The following ORMDL3 variants were observed in gnomAD, a reference collection of about 807,000 sequenced individuals.
ORMDL3 encodes ORM1-like protein 3.
ORMDL3 carries 6 observed loss-of-function variants against 12.6 expected under a neutral mutation model. The observed-to-expected ratio is 0.48, with a 90% confidence interval of 0.26 to 0.94. ORMDL3 has a LOEUF of 0.94. ORMDL3 is among the 40% of genes least tolerant of loss of function. The pLI, the probability that ORMDL3 is intolerant of heterozygous loss-of-function variation, is 0.14. For synonymous variants in ORMDL3, 99 were observed against 87.2 expected (o/e 1.14, Z -0.75); for missense variants, 159 against 205.5 (o/e 0.77, Z 1.38).
chr17:39,922,333 T>C lies in ORMDL3; in HGVS notation c.*217A>G, dbSNP rs1160617985. 9.9e-6 allele frequency: 5 copies of C among 506,984 alleles called. No individual in the cohort carries two copies. 31.4% of individuals were successfully genotyped at this position (506,984 alleles called of 1,614,324 possible). The stretch of plus-strand genomic sequence containing the variant: ...AAAGCAAAAGGAAAAGATCAAAAAA[T>C]TCAGAAAAGGTCAGAGCCCAGGGGG... On this transcript the variant is annotated 3_prime_UTR_variant, in exon 4 of 4. Coordinates refer to ENST00000304046, the MANE Select transcript of ORMDL3 (RefSeq NM_139280.4).
intron 1 of ORMDL3, chr17:39,926,041 A>G (rs1302142972): frequency 6.6e-6 from 1 of 152,170 alleles, no homozygotes; most frequent in South Asian, 2.1e-4. Flanking sequence ...GGAGAGGGAA[A>G]GAGCTTCCCA....
intron 1 of ORMDL3, 62 bp downstream of exon 1, chr17:39,927,421 GC>G (rs1170855011): frequency 2.0e-6 from 2 of 984,632 alleles, no homozygotes; most frequent in East Asian, 1.1e-4. Flanking sequence ...CTCCCCAGCA[GC>G]CCCCACCTTC....
chr17:39,923,226 GGTGTCCCCTTCACC>G lies in ORMDL3; in HGVS notation c.198_211del (p.Val67LeufsTer2), dbSNP rs761869610. 2 of 1,614,030 alleles carry G rather than the reference GGTGTCCCCTTCACC, an allele frequency of 1.2e-6. No individual in the cohort carries two copies. Among genetic ancestry groups the G allele is most frequent in the African/African-American group, 2.7e-5 (2 of 74,936 alleles). On this transcript the variant is annotated frameshift_variant, in exon 3 of 4. Coordinates refer to ENST00000304046, the MANE Select transcript of ORMDL3 (RefSeq NM_139280.4). LOFTEE classifies it high-confidence loss of function. ...CTTGCCCTGGTCCGGGGTCTCAAAGGGTGTCCCCTTCACCGTGTGCAGGAAGATATACATGCCCT... is the reference window on the plus strand; with the variant it reads ...CTTGCCCTGGTCCGGGGTCTCAAAGGGTGTGCAGGAAGATATACATGCCCT...
intron 1 of ORMDL3, 24 bp from the exon 2 acceptor site, chr17:39,924,249 G>T (rs1978323322): frequency 6.4e-7 from 1 of 1,552,484 alleles, no homozygotes; most frequent in Non-Finnish European, 8.7e-7. Flanking sequence ...GCACAGGTCA[G>T]ACAGGTCACA....
In ORMDL3 at chr17:39,922,417, A is replaced by G. The variant is rs1978302422; in HGVS notation, c.*133T>C. 8.7e-7 allele frequency: 1 copy of G among 1,148,466 alleles called. No homozygotes were observed. The highest frequency in any genetic ancestry group is 1.2e-6 in the Non-Finnish European group (1 of 829,464). The allele number at this position is 1,148,466 out of a possible 1,614,324, so 71.1% of individuals were successfully genotyped here. ...TGGCTACTGGGGGAAGCGAGGGGGG[A>G]AATTAGGCCAGAGGCTCAACCCCCA... On this transcript the variant is annotated 3_prime_UTR_variant, in exon 4 of 4. Transcript: ENST00000304046.
intron 2 of ORMDL3, 49 bp downstream of exon 2, chr17:39,923,981 C>A: frequency 1.3e-6 from 2 of 1,521,872 alleles, no homozygotes; most frequent in South Asian, 1.3e-5. Flanking sequence ...CAAAGGGCAG[C>A]CCACAGGGCA....
chr17:39,926,821 T>G, intron 1 of ORMDL3: 1 of 985,954 alleles, frequency 1.0e-6, no homozygotes, highest in Non-Finnish European at 1.2e-6. Flanking sequence ...GCAAACCTCC[T>G]GTCTTCTGGA....
intron 2 of ORMDL3, 145 bp from the exon 3 acceptor site, chr17:39,923,408 G>A: frequency 1.1e-6 from 1 of 871,768 alleles, no homozygotes. Flanking sequence ...AGGTCAGGAT[G>A]GAGCAGCTGG....
intron 1 of ORMDL3, chr17:39,925,731 G>A (rs992568920): frequency 3.3e-5 from 5 of 152,182 alleles, no homozygotes; most frequent in Non-Finnish European, 7.3e-5. Flanking sequence ...GAGAAAATGT[G>A]ACCCACAACA....
In ORMDL3 at chr17:39,922,658, C is replaced by G. The variant is rs893653066; in HGVS notation, c.354G>C (p.Lys118Asn). The change falls in exon 4 of 4, where the codon AAG becomes AAC. Residue 118 changes from lysine (K) to asparagine (N), a missense_variant. Coordinates refer to ENST00000304046, the MANE Select transcript of ORMDL3 (RefSeq NM_139280.4). ...TGAGCACAAAATGGATCTGGTCGTA[C>G]TTAGTGTAGAAGCTGGTGAGGAAGT... The part of the protein sequence containing the change: ...VLYFLTSFYT[K>N]YDQIHFVLNT... 5.0e-6 allele frequency: 8 copies of G among 1,613,046 alleles called. No homozygotes were observed. Among genetic ancestry groups the G allele is most frequent in the Non-Finnish European group, 6.8e-6 (8 of 1,179,306 alleles).
chr17:39,926,788 A>C (rs1978451459), intron 1 of ORMDL3: 1 of 985,708 alleles, frequency 1.0e-6, no homozygotes, highest in Non-Finnish European at 1.2e-6. Context: ...TCCCTCCCCC[A>C]GGAAAGAGCA....
chr17:39,923,314 C>A, intron 2 of ORMDL3, 51 bp from the exon 3 acceptor site: 1 of 1,583,930 alleles, frequency 6.3e-7, no homozygotes, highest in Non-Finnish European at 8.7e-7. Flanking sequence ...GGCCCCCCTG[C>A]CCAGCTCCTC....
At chr17:39,923,356 G>A in intron 2 of ORMDL3, 93 bp from the exon 3 acceptor site, 1 of 1,408,636 alleles carries the variant, frequency 7.1e-7, no homozygotes, top group Non-Finnish European at 9.9e-7. Flanking sequence ...AACTCCCAGT[G>A]ATCTGGAGCC....
intron 1 of ORMDL3, chr17:39,927,139 T>A (rs1420366225): frequency 6.6e-6 from 3 of 456,942 alleles, no homozygotes; most frequent in Non-Finnish European, 8.6e-6. Context: ...TTCCCCAGCC[T>A]GGGTCTTCGC....
rs893077037 is a variant in ORMDL3, at chr17:39,927,098, G to A, written c.-23+386C>T. 3 of 797,662 alleles carry A rather than the reference G, an allele frequency of 3.8e-6. No homozygotes were observed. The African/African-American group carries it at 5.6e-5, about 15-fold the overall frequency. 49.4% of individuals were successfully genotyped at this position (797,662 alleles called of 1,614,324 possible). ...TGGGGTTTTCTGAGTGAGACCTCGGGTGCGGGGCCGGGGGGAGGGGTCCCG... is the reference window on the plus strand; with the variant it reads ...TGGGGTTTTCTGAGTGAGACCTCGGATGCGGGGCCGGGGGGAGGGGTCCCG... On this transcript the variant is annotated intron_variant, in intron 1 of 3. Coordinates refer to ENST00000304046, the MANE Select transcript of ORMDL3 (RefSeq NM_139280.4).
chr17:39,927,004 C>G (rs1033107601), intron 1 of ORMDL3: 12 of 985,502 alleles, frequency 1.2e-5, no homozygotes, highest in Non-Finnish European at 1.4e-5. Flanking sequence ...GAGCGGAAAG[C>G]GAGTGCCCAG....
rs1276297405 is a variant in ORMDL3, at chr17:39,924,226, C to G, written c.-22-1G>C. 8.2e-6 allele frequency: 13 copies of G among 1,586,234 alleles called. No homozygotes were observed. The Admixed American group carries it at 1.9e-4, about 23-fold the overall frequency. On this transcript the variant is annotated splice_acceptor_variant, in intron 1 of 3. Coordinates refer to ENST00000304046, the MANE Select transcript of ORMDL3 (RefSeq NM_139280.4). LOFTEE classifies it low-confidence loss of function (5UTR_SPLICE). ...CATCCTGCTGCCCCTCTCTGCTGTT[C>G]TGCAAACAAGCAGCACAGGTCAGAC...
chr17:39,924,066 A>T lies in ORMDL3; in HGVS notation c.138T>A (p.Pro46=). 6.2e-7 allele frequency: 1 copy of T among 1,613,080 alleles called. No homozygotes were observed. The highest frequency in any genetic ancestry group is 8.5e-7 in the Non-Finnish European group (1 of 1,179,372). Reference sequence around the variant, plus strand: ...TGAGGTTGGTGAGGGTCCAGACGACAGGGACACTCACAAACGGGATGCTCA... The same window carrying T: ...TGAGGTTGGTGAGGGTCCAGACGACTGGGACACTCACAAACGGGATGCTCA... ...VLLSIPFVSV[P]VVWTLTNLIH... is the part of the protein sequence containing the mutation. The change falls in exon 2 of 4, where the codon CCT becomes CCA. Residue 46 remains proline, a synonymous_variant. Transcript: ENST00000304046.
At position 39,927,433 on chromosome 17, in the gene ORMDL3, T is replaced by C. The variant is rs527394739; in HGVS notation, c.-23+51A>G. On this transcript the variant is annotated intron_variant, in intron 1 of 3. Coordinates refer to ENST00000304046, the MANE Select transcript of ORMDL3 (RefSeq NM_139280.4). The stretch of plus-strand genomic sequence containing the variant: ...CGCCTCCCCAGCAGCCCCCACCTTC[T>C]CTCCCGCCCCTCCCGTAGCCCTGGG... The C allele has an allele frequency of 4.5e-5, 44 of 983,366 alleles. No individual in the cohort carries two copies. The African/African-American group carries it at 7.4e-4, about 17-fold the overall frequency. 60.9% of individuals were successfully genotyped at this position (983,366 alleles called of 1,614,324 possible).
Sources: allele counts gnomAD v4.1 joint callset, GRCh38; gene constraint gnomAD v4.1.1; transcripts MANE v1.5; gene names NCBI Gene and HGNC (gene_info 2026-07-23, HGNC 2026-07-21).